The following TRERF1 variants were observed in gnomAD, a reference collection of about 807,000 sequenced individuals.
The protein encoded by TRERF1 is transcriptional regulating factor 1.
TRERF1 carries 27 observed loss-of-function variants against 122.9 expected under a neutral mutation model. That is an observed-to-expected ratio of 0.22 (90% CI 0.16 to 0.30). The LOEUF (loss-of-function observed/expected upper bound fraction) is 0.30. TRERF1 is among the 10% of genes least tolerant of loss of function. The pLI is 1.00. For missense variants in TRERF1, 1,248 were observed against 1,560.3 expected (o/e 0.80, Z 3.37); for synonymous variants, 636 against 641.7 (o/e 0.99, Z 0.13).
intron 2 of TRERF1, among the ~76,000 whole-genome samples, chr6:42,440,581 C>A (rs917910489): frequency 5.9e-5 from 9 of 152,150 alleles, no homozygotes; most frequent in Non-Finnish European, 1.0e-4. Flanking sequence ...ATGGCCTATG[C>A]AAATTCCTGA....
intron 2 of TRERF1, among the ~76,000 whole-genome samples, chr6:42,400,221 C>G (rs191909813): frequency 6.3e-4 from 96 of 152,304 alleles, no homozygotes; most frequent in Non-Finnish European, 2.4e-4. Flanking sequence ...GCCAGCTACA[C>G]CCTAAATGCA....
intron 3 of TRERF1, among the ~76,000 whole-genome samples, chr6:42,344,024 G>A (rs148628762): frequency 2.0e-5 from 3 of 152,344 alleles, no homozygotes; most frequent in African/African-American, 7.2e-5. Flanking sequence ...GGCCGACAGA[G>A]CAGGCAGGAA....
chr6:42,358,590 G>A (rs1771055171), intron 3 of TRERF1, among the ~76,000 whole-genome samples: 1 of 152,146 alleles, frequency 6.6e-6, no homozygotes, highest in African/African-American at 2.4e-5. Context: ...TAAGAACAAT[G>A]TAGTAAATTA....
chr6:42,410,041 G>A (rs536745256), intron 2 of TRERF1, among the ~76,000 whole-genome samples: 1 of 152,240 alleles, frequency 6.6e-6, no homozygotes, highest in South Asian at 2.1e-4. Context: ...GCACCGTGCT[G>A]AATAATAGGT....
At chr6:42,434,669 C>CACACCG (rs1554218684) in intron 2 of TRERF1, among the ~76,000 whole-genome samples, 2 of 62,484 alleles carry the variant, frequency 3.2e-5, no homozygotes, top group Non-Finnish European at 6.7e-5. Context: ...CACCCTCCAC[C>CACACCG]ACACACACAC....
rs1430371579 is a variant in TRERF1 at position 42,263,293 on chromosome 6, G to C, written c.1884+27C>G. 1.3e-6 allele frequency: 2 copies of C among 1,598,198 alleles called. No individual in the cohort carries two copies. Among genetic ancestry groups the C allele is most frequent in the Non-Finnish European group, 1.7e-6 (2 of 1,171,398 alleles). ...TGCGGGGGGCAGCCCCTTGGGGTGA[G>C]TGTGGGGGAGAGAGGGTCATCCTCA... On this transcript the variant is annotated intron_variant, in intron 8 of 17. Coordinates refer to ENST00000372922, the Ensembl canonical transcript of TRERF1. The surrounding 1 kb of genome is among the most constrained non-coding windows in gnomAD (Gnocchi z 5.6).
At chr6:42,374,164 A>C (rs1446794936) in intron 2 of TRERF1, among the ~76,000 whole-genome samples, 48 of 151,490 alleles carry the variant, frequency 3.2e-4, no homozygotes, top group African/African-American at 1.2e-3. Context: ...AAGAAGAAGA[A>C]GAAGAAGAAG....
At chr6:42,341,803 C>T (rs1767344120) in intron 3 of TRERF1, among the ~76,000 whole-genome samples, 1 of 152,204 alleles carries the variant, frequency 6.6e-6, no homozygotes, top group South Asian at 2.1e-4. Flanking sequence ...GAACACTAAA[C>T]ATTTCTTCAT....
At chr6:42,301,164 G>A (rs1561943322) in intron 3 of TRERF1, among the ~76,000 whole-genome samples, 1 of 152,222 alleles carries the variant, frequency 6.6e-6, no homozygotes, top group African/African-American at 2.4e-5. Flanking sequence ...GCAGCTTACA[G>A]GTGCCTTGGC....
At chr6:42,338,783 A>C (rs539940900) in intron 3 of TRERF1, among the ~76,000 whole-genome samples, 1 of 152,334 alleles carries the variant, frequency 6.6e-6, no homozygotes, top group Admixed American at 6.5e-5. Context: ...TCCGCACCAT[A>C]ATACCAGGGT....
At chr6:42,272,673 G>A (rs1780441185) in intron 4 of TRERF1, among the ~76,000 whole-genome samples, 1 of 152,178 alleles carries the variant, frequency 6.6e-6, no homozygotes, top group Admixed American at 6.5e-5. Context: ...CAGTGAGCAG[G>A]GAGAGAGGGA....
At chr6:42,258,135 G>C (rs1317323911) in exon 10 of TRERF1, 1 of 1,613,638 alleles carries the variant, frequency 6.2e-7, no homozygotes, top group African/African-American at 1.3e-5. Flanking sequence ...TTTTCCTTAC[G>C]GTTCAACATC....
At chr6:42,233,012 T>C in intron 16 of TRERF1, 84 bp from the exon 17 acceptor site, 1 of 1,400,696 alleles carries the variant, frequency 7.1e-7, no homozygotes, top group Non-Finnish European at 9.4e-7. Flanking sequence ...ACAAGGGTTT[T>C]ATATAAGCAA....
At chr6:42,249,846 G>C (rs1775450206) in intron 13 of TRERF1, among the ~76,000 whole-genome samples, 1 of 152,220 alleles carries the variant, frequency 6.6e-6, no homozygotes, top group Admixed American at 6.5e-5. Flanking sequence ...TTGAGGGACA[G>C]AGCCTTGGCC....
intron 2 of TRERF1, among the ~76,000 whole-genome samples, chr6:42,368,828 G>A (rs1773241647): frequency 6.6e-6 from 1 of 152,134 alleles, no homozygotes; most frequent in Non-Finnish European, 1.5e-5. Context: ...ATTATGGGGA[G>A]TTTTTTAGTT....
chr6:42,334,463 A>T (rs1189393622), intron 3 of TRERF1, among the ~76,000 whole-genome samples: 6 of 152,236 alleles, frequency 3.9e-5, no homozygotes, highest in Non-Finnish European at 8.8e-5. Context: ...TCATTACAAG[A>T]AAGAATTGCT....
intron 12 of TRERF1, 33 bp downstream of exon 12, chr6:42,256,695 A>G (rs774543152): frequency 4.4e-6 from 7 of 1,586,904 alleles, no homozygotes; most frequent in Non-Finnish European, 6.1e-6. Context: ...ACTCTTCAGG[A>G]ATTTGTAAAG....
intron 6 of TRERF1, 41 bp downstream of exon 6, chr6:42,265,710 C>T (rs759302487): frequency 1.9e-6 from 3 of 1,600,092 alleles, no homozygotes; most frequent in East Asian, 2.2e-5. Flanking sequence ...AGAAAATCCT[C>T]CCCGTCTCCC....
intron 3 of TRERF1, among the ~76,000 whole-genome samples, chr6:42,351,572 T>C (rs1199603191): frequency 6.6e-6 from 1 of 152,254 alleles, no homozygotes; most frequent in Non-Finnish European, 1.5e-5. Context: ...TCATGTGCTT[T>C]ATAAATACAG....
Sources: allele counts gnomAD v4.1 joint callset (sites outside exome capture counted in the v4.1 genomes callset), GRCh38; gene constraint gnomAD v4.1.1; non-coding constraint Gnocchi (gnomAD v3.1); transcripts MANE v1.5; gene names NCBI Gene and HGNC (gene_info 2026-07-23, HGNC 2026-07-21).